Variants in MFSD1 observed in about 807,000 individuals in gnomAD.
MFSD1 encodes major facilitator superfamily domain containing 1.
MFSD1 carries 59 observed loss-of-function variants against 67.1 expected under a neutral mutation model. The ratio of observed to expected loss-of-function variants is 0.88; its 90% CI spans 0.71 to 1.09. MFSD1 has a LOEUF of 1.09. Ranked by LOEUF, MFSD1 falls within the 50% of genes least tolerant of loss-of-function variation. MFSD1 has a pLI of 0.00. For synonymous variants in MFSD1, 213 were observed against 200.3 expected (o/e 1.06, Z -0.54); for missense variants, 552 against 566.1 (o/e 0.97, Z 0.25).
At chr3:158,823,299 C>T (rs1398038696) in intron 11 of MFSD1, 129 bp from the exon 12 acceptor site, 2 of 686,416 alleles carry the variant, frequency 2.9e-6, no homozygotes, top group South Asian at 1.6e-5. Context: ...GAATTTTAGC[C>T]TAATAACAAC....
rs1273223789 is a variant in MFSD1, at chr3:158,829,001, T to C, written c.*19T>C. 2 of 1,605,066 alleles carry C rather than the reference T, an allele frequency of 1.2e-6. No homozygotes were observed. On this transcript the variant is annotated 3_prime_UTR_variant, in exon 16 of 16. Coordinates refer to ENST00000415822, the MANE Select transcript of MFSD1 (RefSeq NM_022736.4). ...CAGATGAGAAGTTAAAATGAATGTG[T>C]CATGAGAATGGGCTTAACACATCGT...
intron 12 of MFSD1, 31 bp from the exon 13 acceptor site, chr3:158,824,093 G>A (rs1730830101): frequency 1.3e-6 from 2 of 1,503,894 alleles, no homozygotes; most frequent in Non-Finnish European, 1.8e-6. Flanking sequence ...TTTTGAAAAT[G>A]AAATGTGTCT....
Position 158,824,124 on chromosome 3 carries a change from C to A in MFSD1, c.1176C>A (p.Phe392Leu). 1 of 1,604,832 alleles carries A rather than the reference C, an allele frequency of 6.2e-7. No individual in the cohort carries two copies. Among genetic ancestry groups the A allele is most frequent in the African/African-American group, 1.3e-5 (1 of 74,420 alleles). ...TGTCTTTATATTTCTTCCATTGTAGCATGCAGTCCATTCAGAATCTTGGGT... is the reference window on the plus strand; with the variant it reads ...TGTCTTTATATTTCTTCCATTGTAGAATGCAGTCCATTCAGAATCTTGGGT... ...PEHQLGTAYG[F>L]MQSIQNLGLA... is the part of the protein sequence containing the mutation. Residue 392 changes from phenylalanine to leucine, a missense_variant and splice_region_variant, in exon 13 of 16, where the codon TTC becomes TTA. Phe to Leu is a conservative substitution (Grantham distance 22). Coordinates refer to ENST00000415822, the MANE Select transcript of MFSD1 (RefSeq NM_022736.4).
chr3:158,813,000 T>A (rs1730114847), intron 6 of MFSD1, among the ~76,000 whole-genome samples: 1 of 152,148 alleles, frequency 6.6e-6, no homozygotes, highest in African/African-American at 2.4e-5. Flanking sequence ...AAAGTTGCTT[T>A]CAGTTGGGAG....
intron 1 of MFSD1, chr3:158,802,706 T>G: frequency 2.5e-6 from 1 of 394,700 alleles, no homozygotes; most frequent in Non-Finnish European, 5.0e-6. Flanking sequence ...CTTTTGTTTG[T>G]TTGGTTTTAG....
chr3:158,804,807 G>A lies in MFSD1; in HGVS notation c.216+436G>A, dbSNP rs116817353. On this transcript the variant is annotated intron_variant, in intron 2 of 15. Transcript: ENST00000415822. ...TTGTCCATGTCAGGATTTTTAGTCT[G>A]GTTTTGTATTGTAAGAACATACTTG... Among the ~76,000 whole-genome samples the A allele has an allele frequency of 5.1e-3, 775 of 152,182 alleles. 9 individuals carry two copies. The highest frequency in any genetic ancestry group is 0.018 in the African/African-American group (751 of 41,506).
At chr3:158,819,792 T>A (rs1730580767) in intron 8 of MFSD1, 45 bp downstream of exon 8, 1 of 1,141,308 alleles carries the variant, frequency 8.8e-7, no homozygotes, top group South Asian at 1.3e-5. Flanking sequence ...TTACGGCCTT[T>A]GTGAGATTTT....
intron 7 of MFSD1, among the ~76,000 whole-genome samples, chr3:158,819,038 TCTTTTGGAAATTCTTC>T (rs1377879195): frequency 6.6e-6 from 1 of 152,222 alleles, no homozygotes; most frequent in African/African-American, 2.4e-5. Flanking sequence ...TTATTAAGCT[TCTTTTGGAAATTCTTC>T]CTGAGAAGTG....
At chr3:158,805,701 A>G (rs1729689266) in intron 3 of MFSD1, among the ~76,000 whole-genome samples, 1 of 152,234 alleles carries the variant, frequency 6.6e-6, no homozygotes, top group Non-Finnish European at 1.5e-5. Context: ...TAACTCAGTT[A>G]TCCATAGGAA....
At chr3:158,818,541 TG>T (rs1399976657) in intron 7 of MFSD1, among the ~76,000 whole-genome samples, 3 of 152,152 alleles carry the variant, frequency 2.0e-5, no homozygotes, top group African/African-American at 7.2e-5. Context: ...ATTAAACCAC[TG>T]ATCTACTCAC....
chr3:158,827,360 G>T, intron 15 of MFSD1, 23 bp downstream of exon 15: 2 of 1,362,014 alleles, frequency 1.5e-6, no homozygotes, highest in Non-Finnish European at 2.0e-6. Context: ...AGGGTAAAAA[G>T]TTGTCTTTAT....
intron 1 of MFSD1, chr3:158,802,534 C>G (rs1432676241): frequency 2.8e-6 from 2 of 718,268 alleles, no homozygotes; most frequent in Admixed American, 2.0e-5. Flanking sequence ...AGGGACTGAG[C>G]TGGGCGAGTT....
At chr3:158,809,376 T>C (rs1261867578) in intron 6 of MFSD1, 89 bp downstream of exon 6, 4 of 824,688 alleles carry the variant, frequency 4.9e-6, no homozygotes, top group Non-Finnish European at 7.7e-6. Context: ...TGAAATGTAT[T>C]TGTGTATGGT....
intron 14 of MFSD1, 133 bp downstream of exon 14, chr3:158,826,195 A>G (rs926019815): frequency 1.7e-5 from 10 of 598,114 alleles, no homozygotes; most frequent in Non-Finnish European, 2.7e-5. Context: ...ATGGAAACAC[A>G]TTTGATTATG....
chr3:158,810,961 T>C (rs1009173972), intron 6 of MFSD1, among the ~76,000 whole-genome samples: 2 of 152,182 alleles, frequency 1.3e-5, no homozygotes, highest in Admixed American at 1.3e-4. Flanking sequence ...TAACAACTTT[T>C]TAAAGAAGGA....
At chr3:158,805,107 AGGAAG>A (rs1729658758) in intron 2 of MFSD1, among the ~76,000 whole-genome samples, 1 of 152,192 alleles carries the variant, frequency 6.6e-6, no homozygotes, top group African/African-American at 2.4e-5. Context: ...CCTGGAATCC[AGGAAG>A]CCCCTGAAAT....
chr3:158,809,153 GTTTT>G lies in MFSD1; in HGVS notation c.441-14_441-11del, dbSNP rs368154012. The G allele has an allele frequency of 9.6e-5, 116 of 1,205,424 alleles. No homozygotes were observed. The East Asian group carries it at 2.6e-3, about 27-fold the overall frequency. 74.7% of individuals were successfully genotyped at this position (1,205,424 alleles called of 1,614,324 possible). ...TATTTCTTTAAAGTTGTGACTTCTG[GTTTT>G]TTTTTTTTTTTCTATTTTTAGGATT... On this transcript the variant is annotated intron_variant, in intron 5 of 15. Coordinates refer to ENST00000415822, the MANE Select transcript of MFSD1 (RefSeq NM_022736.4).
rs1464565368 is a variant in MFSD1, at chr3:158,824,173, G to C, written c.1225G>C (p.Gly409Arg). The C allele has an allele frequency of 6.2e-7, 1 of 1,611,666 alleles. No individual in the cohort carries two copies. Among genetic ancestry groups the C allele is most frequent in the South Asian group, 1.1e-5 (1 of 90,928 alleles). ...LGLAIISIIA[G>R]MILDSRGYLF... ...GTTGGCCATCATTTCCATCATTGCT[G>C]GTATGATACTGGATTCTCGGGGGTA... The change falls in exon 13 of 16, where the codon GGT (glycine) becomes CGT (arginine). Residue 409 changes from glycine (G) to arginine (R), a missense_variant. Physicochemically the swap from Gly to Arg is moderately radical, Grantham distance 125. Transcript: ENST00000415822.
Position 158,802,311 on chromosome 3 carries a change from C to T in MFSD1, c.159C>T (p.Gly53=). The stretch of plus-strand genomic sequence containing the variant: ...TGCTGTTACTGATGTGCTTCCTTGG[C>T]TTTGGTGAGCCGGCCGGGTGGGTTG... ...LLVLLLMCFL[G]FGSYFCYDNP... The change falls in exon 1 of 16, where the codon GGC becomes GGT. Residue 53 remains glycine, a synonymous_variant. Transcript: ENST00000415822. The T allele has an allele frequency of 2.5e-6, 4 of 1,608,560 alleles. No homozygotes were observed. The highest frequency in any genetic ancestry group is 3.4e-6 in the Non-Finnish European group (4 of 1,176,632).
Sources: allele counts gnomAD v4.1 joint callset (sites outside exome capture counted in the v4.1 genomes callset), GRCh38; gene constraint gnomAD v4.1.1; transcripts MANE v1.5; gene names NCBI Gene and HGNC (gene_info 2026-07-23, HGNC 2026-07-21).